Variants in COL24A1 observed in about 807,000 individuals in gnomAD.
COL24A1 encodes collagen type XXIV alpha 1 chain.
Under a neutral mutation model 253.9 loss-of-function variants are expected in COL24A1, and 224 were observed. That is an observed-to-expected ratio of 0.88 (90% confidence interval 0.79 to 0.99). The LOEUF (loss-of-function observed/expected upper bound fraction) is 0.99, where lower values mean the gene tolerates loss of function less well. COL24A1 is among the 50% of genes least tolerant of loss of function. COL24A1 has a pLI of 0.00. For missense variants in COL24A1, 2,131 were observed against 2,068.5 expected (o/e 1.03, Z -0.59); for synonymous variants, 685 against 673.7 (o/e 1.02, Z -0.26).
intron 57 of COL24A1, among the ~76,000 whole-genome samples, chr1:85,741,170 T>C (rs185500148): frequency 1.2e-4 from 18 of 151,712 alleles, no homozygotes; most frequent in African/African-American, 4.3e-4. Context: ...AGAAGACTTA[T>C]CTTGTTCATT....
intron 35 of COL24A1, among the ~76,000 whole-genome samples, chr1:85,871,301 T>A (rs12127479): frequency 1.3e-5 from 2 of 151,938 alleles, no homozygotes; most frequent in Non-Finnish European, 1.5e-5. Context: ...CTTCTGAAAC[T>A]ATTCCAATCA....
chr1:85,818,538 C>T lies in COL24A1; in HGVS notation c.3790-451G>A, dbSNP rs186728170. On this transcript the variant is annotated intron_variant, in intron 45 of 59. Transcript: ENST00000370571. ...TACAGTGTGGTAAGAAGAACATGAA[C>T]TGATAGCCTAAAATGTGCTTTTCTG... Among the ~76,000 whole-genome samples, 400 of 152,294 alleles carry T rather than the reference C, an allele frequency of 2.6e-3. 4 individuals are homozygous for T. Among genetic ancestry groups the T allele is most frequent in the South Asian group, 2.9e-3 (14 of 4,822 alleles).
At chr1:85,763,111 C>T (rs1272575675) in intron 53 of COL24A1, among the ~76,000 whole-genome samples, 1 of 152,072 alleles carries the variant, frequency 6.6e-6, no homozygotes, top group Non-Finnish European at 1.5e-5. Flanking sequence ...GATTCACTGT[C>T]TATTCTATAT....
chr1:85,840,700 G>T (rs1676515913), intron 42 of COL24A1, among the ~76,000 whole-genome samples: 1 of 152,066 alleles, frequency 6.6e-6, no homozygotes, highest in Admixed American at 6.6e-5. Flanking sequence ...CTACTTTTTA[G>T]AGACCATGGT....
intron 57 of COL24A1, among the ~76,000 whole-genome samples, chr1:85,740,191 A>C (rs1570406169): frequency 6.6e-6 from 1 of 152,208 alleles, no homozygotes; most frequent in Non-Finnish European, 1.5e-5. Flanking sequence ...GGAGAAAAAC[A>C]CAACTGTTGT....
At chr1:85,913,973 C>T (rs147572207) in intron 24 of COL24A1, among the ~76,000 whole-genome samples, 2 of 152,286 alleles carry the variant, frequency 1.3e-5, no homozygotes, top group East Asian at 1.9e-4. Context: ...GATCAAGGCA[C>T]CAGTAGATTC....
chr1:85,874,661 T>C lies in COL24A1; in HGVS notation c.3126A>G (p.Glu1042=). The part of the protein sequence containing the change: ...GTAGSVGGTG[E]PGLRGEPGAP... ...AGGGGGCACTCACCCGTAAACCTGG[T>C]TCCCCAGTTCCTCCAACACTGCCAG... Residue 1042 remains glutamate, a synonymous_variant, in exon 35 of 60, where the codon GAA becomes GAG. Transcript: ENST00000370571. The C allele has an allele frequency of 6.2e-7, 1 of 1,612,540 alleles. No homozygotes were observed. The highest frequency in any genetic ancestry group is 8.5e-7 in the Non-Finnish European group (1 of 1,179,908).
chr1:86,147,233 G>A (rs1311811066), intron 1 of COL24A1, among the ~76,000 whole-genome samples: 1 of 152,126 alleles, frequency 6.6e-6, no homozygotes, highest in East Asian at 1.9e-4. Context: ...AGTATAAGGA[G>A]CATCTTAATG....
intron 5 of COL24A1, among the ~76,000 whole-genome samples, chr1:86,107,284 G>A (rs1705074375): frequency 6.6e-6 from 1 of 152,094 alleles, no homozygotes; most frequent in African/African-American, 2.4e-5. Context: ...AAACCAGAAG[G>A]TAATAAAGCC....
At chr1:85,812,698 C>T (rs758314534) in intron 47 of COL24A1, among the ~76,000 whole-genome samples, 3 of 152,216 alleles carry the variant, frequency 2.0e-5, no homozygotes, top group Non-Finnish European at 4.4e-5. Flanking sequence ...AGATACTTAA[C>T]AGACAGCATC....
rs540370082 is a variant in COL24A1, at chr1:86,047,015, C to G, written c.1906-146G>C. On this transcript the variant is annotated intron_variant, in intron 11 of 59. Coordinates refer to ENST00000370571, the MANE Select transcript of COL24A1 (RefSeq NM_152890.7). ...ACTGATGTGATATTCAGAAAAGCCT[C>G]AATATATTAATTTAACTGAGGCAGC... The G allele has an allele frequency of 1.1e-5, 7 of 634,850 alleles. No individual in the cohort carries two copies. In the East Asian group the frequency reaches 1.6e-4, roughly 15 times the overall value. 39.3% of individuals were successfully genotyped at this position (634,850 alleles called of 1,614,324 possible).
chr1:85,836,961 G>T (rs1208050954), intron 43 of COL24A1, among the ~76,000 whole-genome samples: 1 of 152,164 alleles, frequency 6.6e-6, no homozygotes, highest in Non-Finnish European at 1.5e-5. Context: ...TCATTTGCTG[G>T]TAAATATACT....
chr1:85,813,637 G>A (rs1311039839), intron 47 of COL24A1, among the ~76,000 whole-genome samples: 2 of 129,818 alleles, frequency 1.5e-5, no homozygotes, highest in Admixed American at 8.9e-5. Context: ...TGCAAGCTCC[G>A]CCTCCCGGGT....
intron 35 of COL24A1, among the ~76,000 whole-genome samples, chr1:85,873,325 A>T (rs1196230042): frequency 2.6e-5 from 4 of 152,138 alleles, no homozygotes; most frequent in Non-Finnish European, 5.9e-5. Context: ...TGACCCAGCA[A>T]TCCCATTACT....
intron 31 of COL24A1, among the ~76,000 whole-genome samples, chr1:85,891,217 A>ATTTTTTTTT (rs138122213): frequency 2.4e-5 from 3 of 127,084 alleles, no homozygotes; most frequent in Non-Finnish European, 3.3e-5. Flanking sequence ...CGCCCGGCTA[A>ATTTTTTTTT]TTTTTTTTTT....
intron 32 of COL24A1, among the ~76,000 whole-genome samples, chr1:85,884,648 T>C (rs1682258662): frequency 6.6e-6 from 1 of 152,142 alleles, no homozygotes; most frequent in South Asian, 2.1e-4. Flanking sequence ...TTTCTCTTCC[T>C]CCAGCTGAAG....
intron 19 of COL24A1, among the ~76,000 whole-genome samples, chr1:86,016,876 C>T (rs1299512863): frequency 3.3e-5 from 5 of 152,138 alleles, no homozygotes; most frequent in Non-Finnish European, 5.9e-5. Flanking sequence ...TGGTTCCAAG[C>T]CTCAAGTACT....
chr1:85,906,292 G>A (rs1684829433), intron 28 of COL24A1, among the ~76,000 whole-genome samples: 1 of 10,086 alleles, frequency 9.9e-5, no homozygotes, highest in African/African-American at 3.7e-4. Flanking sequence ...TGGTTAGGTA[G>A]AGGATATTTT....
Position 86,128,626 on chromosome 1 carries a change from A to T in COL24A1, c.122-2412T>A, listed in dbSNP as rs117909473. ...ATTATACAGAAATATCATTGGGAGG[A>T]GTATTATTTGAAAACTTTAAAAAGC... On this transcript the variant is annotated intron_variant, in intron 2 of 59. Transcript: ENST00000370571. 1.4e-4 allele frequency among the ~76,000 whole-genome samples: 22 copies of T among 151,946 alleles called. 1 individual carries two copies. The East Asian group carries it at 4.1e-3, about 28-fold the overall frequency.
Sources: allele counts gnomAD v4.1 joint callset (sites outside exome capture counted in the v4.1 genomes callset), GRCh38; gene constraint gnomAD v4.1.1; transcripts MANE v1.5; gene names NCBI Gene and HGNC (gene_info 2026-07-23, HGNC 2026-07-21).